NTM: variants seen among roughly 807,000 people sequenced by gnomAD.
NTM encodes the protein IgLON family member 2.
Under a neutral mutation model 42.1 loss-of-function variants are expected in NTM, and 13 were observed. The observed-to-expected ratio is 0.31, with a 90% confidence interval of 0.20 to 0.49. NTM has a LOEUF of 0.49. NTM is among the 20% of genes least tolerant of loss of function. NTM has a pLI of 0.99. For synonymous variants in NTM, 187 were observed against 179.2 expected (o/e 1.04, Z -0.35); for missense variants, 373 against 452.8 (o/e 0.82, Z 1.60).
chr11:131,811,277 T>C (rs573271844), intron 1 of NTM, among the ~76,000 whole-genome samples: 1 of 152,350 alleles, frequency 6.6e-6, no homozygotes, highest in South Asian at 2.1e-4. Context: ...TGTGTCCTCA[T>C]AGCAGAACAA....
At chr11:132,218,685 G>C (rs557901694) in intron 4 of NTM, among the ~76,000 whole-genome samples, 1 of 152,172 alleles carries the variant, frequency 6.6e-6, no homozygotes. Flanking sequence ...GAGGTAGGGG[G>C]ACTAGTCAGT....
At chr11:131,501,705 C>A (rs537163227) in intron 1 of NTM, among the ~76,000 whole-genome samples, 8 of 151,950 alleles carry the variant, frequency 5.3e-5, no homozygotes, top group Middle Eastern at 6.9e-3. Flanking sequence ...CTTGAGTGTG[C>A]TGTAAAGGTC....
intron 2 of NTM, among the ~76,000 whole-genome samples, chr11:132,126,551 G>T (rs2065873771): frequency 6.6e-6 from 1 of 152,212 alleles, no homozygotes; most frequent in Admixed American, 6.5e-5. Context: ...GGGGCAGGAG[G>T]AGGGGGAGGA....
At position 132,094,147 on chromosome 11, in the gene NTM, CTT is replaced by C. The variant is rs578241181; in HGVS notation, c.168-52133_168-52132del. On this transcript the variant is annotated intron_variant, in intron 2 of 8. Coordinates refer to ENST00000683400, the MANE Select transcript of NTM (RefSeq NM_001352005.2). ...TTGGCACAAGAGTAGGCTACAGTCTCTTTACAGTTTTATCTAGGTTATAGTTC... is the reference window on the plus strand; with the variant it reads ...TTGGCACAAGAGTAGGCTACAGTCTCTACAGTTTTATCTAGGTTATAGTTC... Among the ~76,000 whole-genome samples the C allele has an allele frequency of 3.9e-5, 6 of 152,304 alleles. No individual in the cohort carries two copies. In the East Asian group the frequency reaches 1.2e-3, roughly 29 times the overall value.
In NTM at chr11:131,408,459, T is replaced by C. The variant is rs1946050086; in HGVS notation, c.82+37571T>C. Among the ~76,000 whole-genome samples, 4 of 152,180 alleles carry C rather than the reference T, an allele frequency of 2.6e-5. No homozygotes were observed. In the South Asian group the frequency reaches 8.3e-4, roughly 31 times the overall value. On this transcript the variant is annotated intron_variant, in intron 1 of 8. Transcript: ENST00000683400. ...TAACATTTGAAAACTGTATAACATT[T>C]ATGTGATTGAAAATATGAAGAGCAT...
chr11:131,884,944 G>A (rs2050150333), intron 1 of NTM, among the ~76,000 whole-genome samples: 1 of 152,160 alleles, frequency 6.6e-6, no homozygotes. Flanking sequence ...GCAGTTAGTG[G>A]CTCTATTAGC....
chr11:131,401,845 T>TATATATAC (rs1945267938), intron 1 of NTM, among the ~76,000 whole-genome samples: 3 of 103,072 alleles, frequency 2.9e-5, no homozygotes, highest in Admixed American at 1.0e-4. Context: ...TATATATATA[T>TATATATAC]ATATATATAT....
At chr11:132,247,104 C>A (rs2091289182) in intron 4 of NTM, among the ~76,000 whole-genome samples, 1 of 152,196 alleles carries the variant, frequency 6.6e-6, no homozygotes, top group Non-Finnish European at 1.5e-5. Context: ...AGTTTTCACC[C>A]CCAAGTGTGG....
At chr11:131,513,410 C>T (rs2048502605) in intron 1 of NTM, among the ~76,000 whole-genome samples, 2 of 152,022 alleles carry the variant, frequency 1.3e-5, no homozygotes, top group African/African-American at 2.4e-5. Context: ...GCCAAGCCAG[C>T]TAGACCGGAA....
intron 1 of NTM, among the ~76,000 whole-genome samples, chr11:131,465,459 C>T (rs1951795491): frequency 6.6e-6 from 1 of 152,038 alleles, no homozygotes; most frequent in Non-Finnish European, 1.5e-5. Flanking sequence ...GCTCCATGGC[C>T]CACTGGGAGA....
chr11:132,230,859 CA>C (rs765427173), intron 4 of NTM, among the ~76,000 whole-genome samples: 6 of 152,212 alleles, frequency 3.9e-5, no homozygotes, highest in East Asian at 1.9e-4. Flanking sequence ...CCCATCTCTA[CA>C]AAAAAATTTT....
chr11:132,246,248 G>C (rs774231344), intron 4 of NTM, among the ~76,000 whole-genome samples: 27 of 152,208 alleles, frequency 1.8e-4, no homozygotes, highest in Non-Finnish European at 3.5e-4. Context: ...AAGCCTGCCC[G>C]GTGGCCCACG....
At chr11:131,527,720 G>C (rs1159992889) in intron 1 of NTM, among the ~76,000 whole-genome samples, 1 of 152,188 alleles carries the variant, frequency 6.6e-6, no homozygotes, top group African/African-American at 2.4e-5. Flanking sequence ...CGTTATGGGA[G>C]CATGCACTCA....
intron 1 of NTM, among the ~76,000 whole-genome samples, chr11:131,501,098 C>T (rs956585776): frequency 6.6e-6 from 1 of 152,034 alleles, no homozygotes; most frequent in Non-Finnish European, 1.5e-5. Context: ...GATGGTCTGA[C>T]TTCCGGACCT....
intron 1 of NTM, among the ~76,000 whole-genome samples, chr11:131,613,805 T>C (rs906486974): frequency 6.6e-6 from 1 of 152,056 alleles, no homozygotes; most frequent in Non-Finnish European, 1.5e-5. Flanking sequence ...GAGACCTTTT[T>C]ATGCCCCACT....
intron 3 of NTM, among the ~76,000 whole-genome samples, chr11:132,177,052 T>C (rs2076936959): frequency 1.3e-5 from 2 of 152,156 alleles, no homozygotes; most frequent in African/African-American, 4.8e-5. Flanking sequence ...AAAGTTTTTA[T>C]TGTTACTTTG....
chr11:131,979,379 T>C (rs1489504000), intron 2 of NTM, among the ~76,000 whole-genome samples: 1 of 152,226 alleles, frequency 6.6e-6, no homozygotes, highest in Non-Finnish European at 1.5e-5. Flanking sequence ...TTATTAACAA[T>C]TGGCGTAGTA....
chr11:132,315,036 CGA>C lies in NTM; in HGVS notation c.934+336_934+337del, dbSNP rs2095391488. The C allele has an allele frequency of 3.7e-6, 4 of 1,084,670 alleles. No individual in the cohort carries two copies. The South Asian group carries it at 1.8e-4, about 49-fold the overall frequency. 67.2% of individuals were successfully genotyped at this position (1,084,670 alleles called of 1,614,324 possible). On this transcript the variant is annotated intron_variant, in intron 7 of 8. Transcript: ENST00000683400. ...TTTCATTCTATAATGGAAAAGATCC[CGA>C]GATAGGAGAAAAATACTTTGGAATG... is the stretch of plus-strand genomic sequence containing the variant.
chr11:132,318,497 C>T (rs1451559056), intron 7 of NTM, among the ~76,000 whole-genome samples: 1 of 152,160 alleles, frequency 6.6e-6, no homozygotes, highest in Non-Finnish European at 1.5e-5. Context: ...CATCCTCTTC[C>T]ACTTCCAGTC....
Sources: gnomAD v4.1 joint callset for allele counts (sites outside exome capture counted in the v4.1 genomes callset) on GRCh38, gnomAD v4.1.1 for gene constraint, MANE v1.5 for transcripts, NCBI Gene and HGNC (gene_info 2026-07-23, HGNC 2026-07-21) for gene names.